ABTB3: variants seen among roughly 807,000 people sequenced by gnomAD.
The protein encoded by ABTB3 is ankyrin repeat and BTB domain containing 3.
At chr12:107,390,877 G>A in the ABTB3 span, among the ~76,000 whole-genome samples, 1 of 152,198 alleles carries the variant, frequency 6.6e-6, no homozygotes, top group Non-Finnish European at 1.5e-5. Flanking sequence ...TCGGCCAGGT[G>A]CAGTGGCTCA....
chr12:107,330,291 A>T, the ABTB3 span, among the ~76,000 whole-genome samples: 21 of 152,114 alleles, frequency 1.4e-4, no homozygotes, highest in African/African-American at 4.6e-4. Context: ...CAGTGATCAG[A>T]TTTGTGTTCT....
the ABTB3 span, among the ~76,000 whole-genome samples, chr12:107,566,081 G>A: frequency 6.6e-6 from 1 of 152,118 alleles, no homozygotes; most frequent in Non-Finnish European, 1.5e-5. Flanking sequence ...TTTCCTTCTT[G>A]CGCACATAGA....
At chr12:107,592,867 C>A in the ABTB3 span, among the ~76,000 whole-genome samples, 1 of 151,990 alleles carries the variant, frequency 6.6e-6, no homozygotes, top group Admixed American at 6.6e-5. Context: ...GGATGGTCAG[C>A]GTGTAGGTGG....
At chr12:107,320,651 CTG>C in the ABTB3 span, 1 of 456,092 alleles carries the variant, frequency 2.2e-6, no homozygotes, top group South Asian at 1.5e-5. Context: ...TGTGGTGAGA[CTG>C]GGGTGCGGGA....
chr12:107,383,344 G>A, the ABTB3 span, among the ~76,000 whole-genome samples: 3 of 152,194 alleles, frequency 2.0e-5, no homozygotes, highest in African/African-American at 7.2e-5. Flanking sequence ...GCCGCATTTT[G>A]AGAGGCAGCC....
the ABTB3 span, among the ~76,000 whole-genome samples, chr12:107,560,991 A>T: frequency 6.6e-6 from 1 of 152,224 alleles, no homozygotes; most frequent in East Asian, 1.9e-4. Context: ...AGAGTGAGGA[A>T]TTCGGTCAAG....
chr12:107,622,272 C>G, the ABTB3 span, among the ~76,000 whole-genome samples: 2 of 152,096 alleles, frequency 1.3e-5, no homozygotes, highest in Non-Finnish European at 2.9e-5. Flanking sequence ...TTTCCCCGAG[C>G]CTGCAGGGTG....
the ABTB3 span, among the ~76,000 whole-genome samples, chr12:107,574,152 TA>T: frequency 6.6e-6 from 1 of 152,206 alleles, no homozygotes; most frequent in Admixed American, 6.5e-5. Context: ...ACCTTTATGA[TA>T]AAAACTGAAG....
At chr12:107,429,583 G>A in the ABTB3 span, among the ~76,000 whole-genome samples, 1 of 152,200 alleles carries the variant, frequency 6.6e-6, no homozygotes, top group Admixed American at 6.5e-5. Context: ...CTGCACAGAA[G>A]CTGCTGATTC....
chr12:107,462,320 G>A, the ABTB3 span, among the ~76,000 whole-genome samples: 114 of 152,314 alleles, frequency 7.5e-4, 1 homozygote, highest in East Asian at 0.021. Flanking sequence ...TTCTGAGAGC[G>A]GAGAAGTCCT....
the ABTB3 span, among the ~76,000 whole-genome samples, chr12:107,336,416 T>TC: frequency 2.6e-5 from 4 of 152,212 alleles, no homozygotes. Flanking sequence ...TGGCTGCAAA[T>TC]CCCAGCATCG....
the ABTB3 span, among the ~76,000 whole-genome samples, chr12:107,329,383 T>C: frequency 6.6e-6 from 1 of 152,238 alleles, no homozygotes; most frequent in African/African-American, 2.4e-5. Context: ...CGCTCCCTCA[T>C]AAAGAAAATG....
At chr12:107,321,476 G>C in the ABTB3 span, among the ~76,000 whole-genome samples, 1 of 152,102 alleles carries the variant, frequency 6.6e-6, no homozygotes, top group Non-Finnish European at 1.5e-5. Context: ...AAGCGGGTGT[G>C]TGTTTGTGTG....
At chr12:107,403,414 C>T in the ABTB3 span, among the ~76,000 whole-genome samples, 1 of 152,126 alleles carries the variant, frequency 6.6e-6, no homozygotes, top group African/African-American at 2.4e-5. Flanking sequence ...GCTAAAGCTT[C>T]CTACCAGCTA....
chr12:107,523,503 T>C, the ABTB3 span, among the ~76,000 whole-genome samples: 1 of 152,252 alleles, frequency 6.6e-6, no homozygotes, highest in Non-Finnish European at 1.5e-5. Flanking sequence ...GGAAACTGAT[T>C]ACATTAAAAT....
chr12:107,502,801 T>C, the ABTB3 span, among the ~76,000 whole-genome samples: 212 of 152,184 alleles, frequency 1.4e-3, no homozygotes, highest in Non-Finnish European at 2.6e-3. Context: ...TATGAGAATC[T>C]AATGCCTGAT....
At chr12:107,553,937 TGAG>T in the ABTB3 span, among the ~76,000 whole-genome samples, 8 of 151,010 alleles carry the variant, frequency 5.3e-5, no homozygotes, top group African/African-American at 1.9e-4. Flanking sequence ...AAGACTGTCT[TGAG>T]AGAGAGAGAG....
the ABTB3 span, among the ~76,000 whole-genome samples, chr12:107,602,477 T>A: frequency 3.3e-5 from 5 of 152,256 alleles, no homozygotes. Flanking sequence ...GAGAGCTGTA[T>A]GCTGAGCGCA....
chr12:107,617,630 T>C, the ABTB3 span: 1 of 622,832 alleles, frequency 1.6e-6, no homozygotes, highest in Non-Finnish European at 2.7e-6. Flanking sequence ...GCACATCCAC[T>C]CAGAATGCTT....
Sources: gnomAD v4.1 joint callset for allele counts (sites outside exome capture counted in the v4.1 genomes callset) on GRCh38, gnomAD v4.1.1 for gene constraint, MANE v1.5 for transcripts, NCBI Gene and HGNC (gene_info 2026-07-23, HGNC 2026-07-21) for gene names.